Variants in ABCB9 observed in about 807,000 individuals in gnomAD.
ABCB9 encodes the protein ABC-type oligopeptide transporter ABCB9.
Under a neutral mutation model 62.0 loss-of-function variants are expected in ABCB9, and 36 were observed. That is an observed-to-expected ratio of 0.58 (90% CI 0.45 to 0.77). ABCB9 has a LOEUF of 0.77. Among genes scored for constraint, ABCB9 ranks in the 30% least tolerant of loss-of-function variants. The pLI, the probability that ABCB9 is intolerant of heterozygous loss-of-function variation, is 0.00. For synonymous variants in ABCB9, 435 were observed against 461.4 expected, an observed-to-expected ratio of 0.94 and a Z score of 0.73; for missense variants, 943 against 1,054.7, an observed-to-expected ratio of 0.89 and a Z score of 1.47.
rs1300476986 is a variant in ABCB9 at position 122,929,234 on chromosome 12, CT to C, written c.*676del. The stretch of plus-strand genomic sequence containing the variant: ...GCTGGGTGCCGGGCTGGGGGCACCC[CT>C]GAGGCCCCTCCAGACCTGGCCAGCC... On this transcript the variant is annotated 3_prime_UTR_variant, in exon 12 of 12. Coordinates refer to ENST00000280560, the MANE Select transcript of ABCB9 (RefSeq NM_019625.4). The surrounding 1 kb of genome is among the most constrained non-coding windows in gnomAD (Gnocchi z 6.0). 16 of 986,018 alleles carry C rather than the reference CT, an allele frequency of 1.6e-5. No individual in the cohort carries two copies. The highest frequency in any genetic ancestry group is 1.8e-5 in the Non-Finnish European group (15 of 830,166). The allele number at this position is 986,018 out of a possible 1,614,324, so 61.1% of individuals were successfully genotyped here.
chr12:122,944,013 A>G lies in ABCB9; in HGVS notation c.1380+378T>C, dbSNP rs536418051. ...GAGTACAGTGGTGCGATCTCAGCTC[A>G]CTGCAACCTCTGCCTCCAGGGTTCA... is the stretch of plus-strand genomic sequence containing the variant. On this transcript the variant is annotated intron_variant, in intron 7 of 11. Coordinates refer to ENST00000280560, the MANE Select transcript of ABCB9 (RefSeq NM_019625.4). This position sits in a 1 kb window ranked among gnomAD's most constrained non-coding sequence, Gnocchi z 4.9. 1.3e-4 allele frequency among the ~76,000 whole-genome samples: 20 copies of G among 152,248 alleles called. 1 individual carries two copies. In the South Asian group the frequency reaches 3.3e-3, roughly 25 times the overall value.
intron 9 of ABCB9, among the ~76,000 whole-genome samples, chr12:122,938,117 C>T (rs969050400): frequency 3.3e-5 from 5 of 152,242 alleles, no homozygotes. Context: ...TATCACCAAG[C>T]TTTCTACTCT....
upstream of ABCB9, among the ~76,000 whole-genome samples, chr12:122,968,728 C>G (rs759122279): frequency 1.3e-5 from 2 of 150,734 alleles, no homozygotes; most frequent in Non-Finnish European, 2.9e-5. Flanking sequence ...ATTCTTCCCA[C>G]CACAGCCTCC....
At chr12:122,966,016 A>C (rs1594083339) in intron 1 of ABCB9, among the ~76,000 whole-genome samples, 1 of 151,760 alleles carries the variant, frequency 6.6e-6, no homozygotes, top group South Asian at 2.1e-4. Context: ...ATCCTCCAAC[A>C]CCTCCCACAT....
chr12:122,933,189 G>A (rs1055567831), intron 10 of ABCB9, among the ~76,000 whole-genome samples: 1 of 152,124 alleles, frequency 6.6e-6, no homozygotes, highest in African/African-American at 2.4e-5. Context: ...ACTGCACCTG[G>A]CCACGCCACC....
In ABCB9 at chr12:122,959,620, G is replaced by A. The variant is rs778213367; in HGVS notation, c.601+15C>T. On this transcript the variant is annotated intron_variant, in intron 2 of 11. Coordinates refer to ENST00000280560, the MANE Select transcript of ABCB9 (RefSeq NM_019625.4). This position sits in a 1 kb window ranked among gnomAD's most constrained non-coding sequence, Gnocchi z 5.4. ...GATGTTCTGGTGGCCACATGTCCCC[G>A]AGGTCCTTACTTACCCAGAGCTGCC... 4 of 1,528,158 alleles carry A rather than the reference G, an allele frequency of 2.6e-6. No individual in the cohort carries two copies. The highest frequency in any genetic ancestry group is 1.8e-4 in the Middle Eastern group (1 of 5,656). 94.7% of individuals were successfully genotyped at this position (1,528,158 alleles called of 1,614,324 possible).
Position 122,932,072 on chromosome 12 carries a change from T to C in ABCB9, c.2040+120A>G. 1 of 1,511,768 alleles carries C rather than the reference T, an allele frequency of 6.6e-7. No individual in the cohort carries two copies. The allele number at this position is 1,511,768 out of a possible 1,614,324, so 93.6% of individuals were successfully genotyped here. A position where few individuals can be genotyped will look rare whatever the true frequency, so the allele number is the denominator to read the frequency against. ...CCAGGAATTCACCAGCCCAGGAGGCTGATAGTCTGGGAGAGCTCCTGGGGC... is the reference window on the plus strand; with the variant it reads ...CCAGGAATTCACCAGCCCAGGAGGCCGATAGTCTGGGAGAGCTCCTGGGGC... On this transcript the variant is annotated intron_variant, in intron 11 of 11. Transcript: ENST00000280560. The surrounding 1 kb of genome is among the most constrained non-coding windows in gnomAD (Gnocchi z 4.7).
chr12:122,922,927 G>A (rs1443685909), intron 11 of ABCB9, among the ~76,000 whole-genome samples: 21 of 151,838 alleles, frequency 1.4e-4, no homozygotes, highest in Admixed American at 1.3e-3. Flanking sequence ...CGGAGTAGCT[G>A]AGACTATAGG....
At chr12:122,919,106 T>C (rs2034686881), downstream of ABCB9, among the ~76,000 whole-genome samples, 1 of 152,208 alleles carries the variant, frequency 6.6e-6, no homozygotes, top group South Asian at 2.1e-4. Flanking sequence ...TATCCCACAG[T>C]ATGTGCATAC....
Position 122,930,833 on chromosome 12 carries a change from T to C in ABCB9, c.2041-662A>G, listed in dbSNP as rs1354977037. 6.6e-6 allele frequency among the ~76,000 whole-genome samples: 1 copy of C among 152,102 alleles called. No individual in the cohort carries two copies. Among genetic ancestry groups the C allele is most frequent in the Non-Finnish European group, 1.5e-5 (1 of 68,018 alleles). On this transcript the variant is annotated intron_variant, in intron 11 of 11. Transcript: ENST00000280560. This position sits in a 1 kb window ranked among gnomAD's most constrained non-coding sequence, Gnocchi z 4.9. ...TGCCTGGTGCCTGAGAAGAGCTCAG[T>C]AACTCTCTGTGTAACAAATGAATCA...
chr12:122,929,314 T>C lies in ABCB9; in HGVS notation c.*597A>G, dbSNP rs1017026358. On this transcript the variant is annotated 3_prime_UTR_variant, in exon 12 of 12. Transcript: ENST00000280560. The surrounding 1 kb of genome is among the most constrained non-coding windows in gnomAD (Gnocchi z 6.0). ...GGTTCACAGTGAGACTGGCTTAGATTGGCAGCGGGCGATGGCAGACAGATG... is the reference window on the plus strand; with the variant it reads ...GGTTCACAGTGAGACTGGCTTAGATCGGCAGCGGGCGATGGCAGACAGATG... 1.0e-6 allele frequency: 1 copy of C among 985,786 alleles called. No individual in the cohort carries two copies. 61.1% of individuals were successfully genotyped at this position (985,786 alleles called of 1,614,324 possible).
At chr12:122,934,501 A>G (rs910846208) in intron 10 of ABCB9, among the ~76,000 whole-genome samples, 1 of 151,740 alleles carries the variant, frequency 6.6e-6, no homozygotes, top group Non-Finnish European at 1.5e-5. Context: ...CCAGCCTGGG[A>G]AACATAGCAA....
intron 2 of ABCB9, among the ~76,000 whole-genome samples, chr12:122,954,061 T>C (rs1401475483): frequency 6.6e-6 from 1 of 151,684 alleles, no homozygotes; most frequent in Non-Finnish European, 1.5e-5. Context: ...CCCAGCACTT[T>C]GGGAGGCCGA....
downstream of ABCB9, among the ~76,000 whole-genome samples, chr12:122,928,468 CAAA>C (rs60751364): frequency 2.3e-5 from 2 of 87,434 alleles, no homozygotes. Flanking sequence ...GGCTCTGTCT[CAAA>C]AAAAAAAAAA....
chr12:122,934,930 T>A (rs948788557), intron 10 of ABCB9, among the ~76,000 whole-genome samples: 11 of 152,056 alleles, frequency 7.2e-5, no homozygotes, highest in Non-Finnish European at 1.3e-4. Flanking sequence ...TGCCTCCTCC[T>A]CTGCCTCCAC....
At chr12:122,963,929 G>A (rs1191011498) in intron 1 of ABCB9, among the ~76,000 whole-genome samples, 1 of 152,208 alleles carries the variant, frequency 6.6e-6, no homozygotes, top group Non-Finnish European at 1.5e-5. Flanking sequence ...AGCCCTGCCT[G>A]TGCTGCCCAC....
Position 122,929,938 on chromosome 12 carries a change from A to G in ABCB9, c.2274T>C (p.Pro758=). 2.6e-6 allele frequency: 4 copies of G among 1,566,142 alleles called. No individual in the cohort carries two copies. Among genetic ancestry groups the G allele is most frequent in the South Asian group, 1.1e-5 (1 of 87,278 alleles). The change falls in exon 12 of 12, where the codon CCT becomes CCC. Residue 758 remains proline, a synonymous_variant. Coordinates refer to ENST00000280560, the MANE Select transcript of ABCB9 (RefSeq NM_019625.4). The surrounding 1 kb of genome is among the most constrained non-coding windows in gnomAD (Gnocchi z 6.0). Reference sequence around the variant, plus strand: ...AGGCCTTGTGACTGCCGTTGGCTACAGGCTCGTTGTGGCCAGCTGTGAAGT... The same window carrying G: ...AGGCCTTGTGACTGCCGTTGGCTACGGGCTCGTTGTGGCCAGCTGTGAAGT... ...AADFTAGHNE[P]VANGSHKA
At chr12:122,953,574 G>C (rs998876565) in intron 2 of ABCB9, among the ~76,000 whole-genome samples, 15 of 152,272 alleles carry the variant, frequency 9.9e-5, no homozygotes, top group African/African-American at 3.6e-4. Context: ...TTTTAGTAGA[G>C]ATGGGGTTTC....
chr12:122,923,286 T>C (rs1048478851), intron 11 of ABCB9, among the ~76,000 whole-genome samples: 1 of 151,614 alleles, frequency 6.6e-6, no homozygotes, highest in Non-Finnish European at 1.5e-5. Context: ...GTACTTCTTA[T>C]TTATTTATTT....
Sources: gnomAD v4.1 joint callset for allele counts (sites outside exome capture counted in the v4.1 genomes callset) on GRCh38, gnomAD v4.1.1 for gene constraint, Gnocchi (gnomAD v3.1) non-coding constraint, MANE v1.5 for transcripts, NCBI Gene and HGNC (gene_info 2026-07-23, HGNC 2026-07-21) for gene names.